Variants in DYM observed in about 807,000 individuals in gnomAD.
DYM encodes dyggve-Melchior-Clausen syndrome protein.
A neutral mutation model predicts 93.1 loss-of-function variants in DYM; 78 were observed. The observed-to-expected ratio is 0.84, with a 90% CI of 0.70 to 1.01. The LOEUF (loss-of-function observed/expected upper bound fraction) is 1.01, where lower values mean the gene tolerates loss of function less well. Ranked by LOEUF, DYM falls within the 50% of genes least tolerant of loss-of-function variation. The pLI, the probability that DYM is intolerant of heterozygous loss-of-function variation, is 0.00. For missense variants in DYM, 789 were observed against 845.0 expected (o/e 0.93, Z 0.82); for synonymous variants, 321 against 319.7 (o/e 1.00, Z -0.04).
intron 2 of DYM, among the ~76,000 whole-genome samples, chr18:49,410,639 T>C (rs1010433641): frequency 4.0e-5 from 6 of 149,220 alleles, no homozygotes; most frequent in Non-Finnish European, 8.9e-5. Flanking sequence ...GTGAGACCTT[T>C]TCTCTACCAA....
At chr18:49,443,276 A>T (rs1461424373) in intron 1 of DYM, among the ~76,000 whole-genome samples, 1 of 152,222 alleles carries the variant, frequency 6.6e-6, no homozygotes, top group Non-Finnish European at 1.5e-5. Context: ...ATTTGTTTAC[A>T]CATGGTCTAT....
intron 6 of DYM, among the ~76,000 whole-genome samples, chr18:49,343,822 T>C (rs1037244451): frequency 2.6e-5 from 4 of 152,046 alleles, no homozygotes; most frequent in Non-Finnish European, 5.9e-5. Flanking sequence ...GCAGAAAAAT[T>C]TATGCCTGGG....
intron 11 of DYM, among the ~76,000 whole-genome samples, chr18:49,263,065 A>C (rs1248391348): frequency 6.6e-6 from 1 of 152,194 alleles, no homozygotes; most frequent in Admixed American, 6.5e-5. Flanking sequence ...ACATGACTTC[A>C]TAAGTACATC....
At chr18:49,382,656 C>T (rs2068164750) in intron 3 of DYM, among the ~76,000 whole-genome samples, 1 of 144,528 alleles carries the variant, frequency 6.9e-6, no homozygotes. Context: ...CCACCACTGA[C>T]CAGCTGTAGA....
intron 17 of DYM, among the ~76,000 whole-genome samples, chr18:49,049,018 T>C (rs1377950887): frequency 1.3e-5 from 2 of 152,192 alleles, no homozygotes; most frequent in Admixed American, 6.5e-5. Flanking sequence ...ATCCAGTATA[T>C]AGCATATGAT....
intron 15 of DYM, among the ~76,000 whole-genome samples, chr18:49,148,128 G>A (rs544380498): frequency 1.1e-3 from 161 of 152,232 alleles, no homozygotes; most frequent in Admixed American, 2.4e-3. Flanking sequence ...TCACTCACAG[G>A]TGGGAATTGA....
chr18:49,441,312 A>T lies in DYM; in HGVS notation c.-53-10865T>A, dbSNP rs184174341. Reference sequence around the variant, plus strand: ...TATATAATATAATTATATATAATTAATATATAATTATATATAATATAATTA... The same window carrying T: ...TATATAATATAATTATATATAATTATTATATAATTATATATAATATAATTA... On this transcript the variant is annotated intron_variant, in intron 1 of 17. Coordinates refer to ENST00000675505, the MANE Select transcript of DYM (RefSeq NM_001353214.3). 2.5e-4 allele frequency among the ~76,000 whole-genome samples: 9 copies of T among 36,000 alleles called. No individual in the cohort carries two copies. The South Asian group carries it at 4.9e-3, about 19-fold the overall frequency. 23.6% of individuals were successfully genotyped at this position (36,000 alleles called of 152,430 possible).
At chr18:49,410,412 T>A (rs2072100240) in intron 2 of DYM, among the ~76,000 whole-genome samples, 1 of 151,798 alleles carries the variant, frequency 6.6e-6, no homozygotes, top group African/African-American at 2.4e-5. Context: ...CAGGCCATGG[T>A]GTTGGTCCTC....
At chr18:49,100,987 C>T (rs896435555) in intron 16 of DYM, among the ~76,000 whole-genome samples, 1 of 152,192 alleles carries the variant, frequency 6.6e-6, no homozygotes, top group Non-Finnish European at 1.5e-5. Context: ...CAGATGTTGT[C>T]TGACTGCAAC....
rs1488798042 is a variant in DYM at position 49,037,335 on chromosome 18, A to G, written c.*6720T>C. Among the ~76,000 whole-genome samples the G allele has an allele frequency of 6.6e-6, 1 of 152,106 alleles. No individual in the cohort carries two copies. Among genetic ancestry groups the G allele is most frequent in the African/African-American group, 2.4e-5 (1 of 41,412 alleles). On this transcript the variant is annotated 3_prime_UTR_variant, in exon 18 of 18. Coordinates refer to ENST00000675505, the MANE Select transcript of DYM (RefSeq NM_001353214.3). ...TGAGGTAATTGCTTAATTGATTTTT[A>G]ACCTTTCTTCTTTTCTAACATAAAC...
chr18:49,314,000 G>A (rs1036225892), intron 8 of DYM, among the ~76,000 whole-genome samples: 19 of 152,078 alleles, frequency 1.2e-4, no homozygotes, highest in African/African-American at 3.6e-4. Flanking sequence ...GCTCACACCC[G>A]TAATCCCAGC....
rs547191302 is a variant in DYM, at chr18:49,246,947, C to T, written c.1460+10063G>A. Among the ~76,000 whole-genome samples, 5 of 152,270 alleles carry T rather than the reference C, an allele frequency of 3.3e-5. No homozygotes were observed. The East Asian group carries it at 9.6e-4, about 29-fold the overall frequency. On this transcript the variant is annotated intron_variant, in intron 13 of 17. Transcript: ENST00000675505. The stretch of plus-strand genomic sequence containing the variant: ...GGTAAGGAGTGTTGGGAGACAATTC[C>T]CCACTCTCTCATGTTTTGCACATCT...
chr18:49,054,268 G>A (rs1044428157), intron 17 of DYM, among the ~76,000 whole-genome samples: 2 of 152,188 alleles, frequency 1.3e-5, no homozygotes, highest in Non-Finnish European at 2.9e-5. Flanking sequence ...TTGAGACGGA[G>A]TCTTGCTGTG....
At chr18:49,389,988 T>G (rs2069041044) in intron 3 of DYM, among the ~76,000 whole-genome samples, 1 of 152,238 alleles carries the variant, frequency 6.6e-6, no homozygotes, top group African/African-American at 2.4e-5. Flanking sequence ...TAAAACTCCT[T>G]AATTTTCAGC....
chr18:49,329,601 G>A (rs1355616806), intron 8 of DYM: 1 of 152,300 alleles, frequency 6.6e-6, no homozygotes, highest in East Asian at 1.9e-4. Flanking sequence ...CAAGCAAGTG[G>A]TTCACTACTC....
chr18:49,342,251 G>A (rs1044986378), intron 6 of DYM, among the ~76,000 whole-genome samples: 1 of 152,166 alleles, frequency 6.6e-6, no homozygotes, highest in African/African-American at 2.4e-5. Context: ...TTCGAAGGAA[G>A]CAAGGACTTT....
At chr18:49,402,343 G>C (rs2070950514) in intron 2 of DYM, among the ~76,000 whole-genome samples, 1 of 152,170 alleles carries the variant, frequency 6.6e-6, no homozygotes, top group African/African-American at 2.4e-5. Flanking sequence ...AAAACTCTTA[G>C]AGCAGCAGCA....
At chr18:49,254,639 A>G (rs2658744) in intron 13 of DYM, among the ~76,000 whole-genome samples, 151,687 of 152,312 alleles carry the variant, frequency 1, 75,538 homozygotes, top group Middle Eastern at 1. Flanking sequence ...TTCCCAACTA[A>G]AAAATTGTTT....
At chr18:49,212,129 G>C (rs2092812314) in intron 13 of DYM, among the ~76,000 whole-genome samples, 1 of 151,950 alleles carries the variant, frequency 6.6e-6, no homozygotes, top group Non-Finnish European at 1.5e-5. Flanking sequence ...AAACTGTTCT[G>C]TATTCTCCAA....
Sources: allele counts gnomAD v4.1 joint callset (sites outside exome capture counted in the v4.1 genomes callset), GRCh38; gene constraint gnomAD v4.1.1; transcripts MANE v1.5; gene names NCBI Gene and HGNC (gene_info 2026-07-23, HGNC 2026-07-21).